Variants in LMO4 observed in about 807,000 individuals in gnomAD.
LMO4 encodes LIM domain only 4, also known as LIM domain transcription factor LMO4.
A neutral mutation model predicts 18.5 loss-of-function variants in LMO4; 3 were observed. The ratio of observed to expected loss-of-function variants is 0.16; its 90% CI spans 0.07 to 0.42. The LOEUF is 0.42. LMO4 is among the 10% of genes least tolerant of loss of function. LMO4 has a pLI of 0.99. For synonymous variants in LMO4, 100 were observed against 88.1 expected (o/e 1.14, Z -0.76); for missense variants, 121 against 219.9 (o/e 0.55, Z 2.84).
chr1:87,337,968 G>A (rs544347446), intron 2 of LMO4, among the ~76,000 whole-genome samples: 5 of 152,284 alleles, frequency 3.3e-5, no homozygotes, highest in South Asian at 2.1e-4. Flanking sequence ...TCAATGTGTC[G>A]TGGATCTCAG....
chr1:87,340,635 A>G (rs1281409258), intron 4 of LMO4, among the ~76,000 whole-genome samples: 1 of 152,230 alleles, frequency 6.6e-6, no homozygotes. Context: ...AGGAATAGCA[A>G]TCTGGACACC....
chr1:87,334,776 G>C (rs1176523543), intron 2 of LMO4, among the ~76,000 whole-genome samples: 8 of 152,130 alleles, frequency 5.3e-5, no homozygotes, highest in Non-Finnish European at 7.3e-5. Context: ...GCCAAGTGTC[G>C]ATGGGCAGAG....
intron 1 of LMO4, among the ~76,000 whole-genome samples, 155 bp downstream of exon 1, chr1:87,329,399 C>T (rs1650063432): frequency 6.6e-6 from 1 of 152,128 alleles, no homozygotes; most frequent in African/African-American, 2.4e-5. Flanking sequence ...GAGTCTGAAA[C>T]TACCGAGGCC....
rs1358149812 is a variant in LMO4, at chr1:87,345,180, G to A, written c.*384G>A. On this transcript the variant is annotated 3_prime_UTR_variant, in exon 5 of 5. Transcript: ENST00000370544. The stretch of plus-strand genomic sequence containing the variant: ...GGGCACTGGCCAGAGTTTGTACCCT[G>A]TGTTTTACCTTAACAACATTCTATT... 5.0e-6 allele frequency: 1 copy of A among 198,232 alleles called. No homozygotes were observed. The highest frequency in any genetic ancestry group is 1.0e-5 in the Non-Finnish European group (1 of 98,650). 12.3% of individuals were successfully genotyped at this position (198,232 alleles called of 1,614,324 possible).
At chr1:87,331,771 A>G (rs888610652) in intron 1 of LMO4, 7 of 522,448 alleles carry the variant, frequency 1.3e-5, no homozygotes, top group Admixed American at 3.6e-5. Context: ...CAAGCGCAGG[A>G]AAGTTGAGAG....
At chr1:87,340,237 G>C in intron 4 of LMO4, 35 bp downstream of exon 4, 1 of 1,606,408 alleles carries the variant, frequency 6.2e-7, no homozygotes. Flanking sequence ...AGCTTTATTA[G>C]AGCAAGTTGG....
intron 4 of LMO4, among the ~76,000 whole-genome samples, chr1:87,342,784 T>G (rs1253843142): frequency 1.3e-5 from 2 of 152,094 alleles, no homozygotes; most frequent in African/African-American, 2.4e-5. Flanking sequence ...CAGAGAGATA[T>G]TAATGAGAGG....
intron 4 of LMO4, among the ~76,000 whole-genome samples, chr1:87,341,114 C>T (rs1650461648): frequency 6.6e-6 from 1 of 152,188 alleles, no homozygotes; most frequent in African/African-American, 2.4e-5. Flanking sequence ...GTTCATTCCA[C>T]ACCGGCCCAG....
intron 2 of LMO4, among the ~76,000 whole-genome samples, chr1:87,335,777 G>C: frequency 6.6e-6 from 1 of 151,940 alleles, no homozygotes; most frequent in South Asian, 2.1e-4. Context: ...AATAGGACGT[G>C]CTAGGTAAAT....
At chr1:87,340,347 T>C (rs947662958) in intron 4 of LMO4, 145 bp downstream of exon 4, 18 of 666,810 alleles carry the variant, frequency 2.7e-5, no homozygotes, top group African/African-American at 2.6e-4. Context: ...ACATAGAGTG[T>C]TCAGAAGTAG....
intron 2 of LMO4, among the ~76,000 whole-genome samples, chr1:87,335,035 GA>G (rs1165582479): frequency 1.6e-5 from 2 of 123,902 alleles, no homozygotes; most frequent in Non-Finnish European, 3.2e-5. Context: ...GGGAAAGAAT[GA>G]AGGGGGGGGG....
rs976043152 is a variant in LMO4, at chr1:87,339,516, A to G, written c.237-20A>G. The G allele has an allele frequency of 3.2e-6, 5 of 1,584,110 alleles. No individual in the cohort carries two copies. In the South Asian group the frequency reaches 3.3e-5, roughly 11 times the overall value. On this transcript the variant is annotated intron_variant, in intron 2 of 4. Transcript: ENST00000370544. ...GGTTTAGGATTATTCACTGGTGTCA[A>G]CCGTTATTCTTTGTTTCAGGTTATT...
intron 2 of LMO4, among the ~76,000 whole-genome samples, chr1:87,335,621 G>A (rs1215481404): frequency 6.6e-6 from 1 of 152,092 alleles, no homozygotes; most frequent in Non-Finnish European, 1.5e-5. Context: ...GGTGGTGGAG[G>A]GTGTGTTTGG....
chr1:87,344,680 A>G (rs1570270296), intron 4 of LMO4, 108 bp from the exon 5 acceptor site: 1 of 1,102,424 alleles, frequency 9.1e-7, no homozygotes, highest in African/African-American at 1.5e-5. Flanking sequence ...AAAGTAATCT[A>G]ATAAAAGAAG....
At position 87,345,845 on chromosome 1, in the gene LMO4, T is replaced by C. The variant is rs1265391245; in HGVS notation, c.*1049T>C. 6.6e-6 allele frequency: 1 copy of C among 152,246 alleles called. No individual in the cohort carries two copies. The highest frequency in any genetic ancestry group is 2.4e-5 in the African/African-American group (1 of 41,474). The allele number at this position is 152,246 out of a possible 1,614,324, so 9.4% of individuals were successfully genotyped here. ...TTAACAGCATTTCGTTACACTTCTATATCACAGTAAGTCTTTTGTGTTTAT... is the reference window on the plus strand; with the variant it reads ...TTAACAGCATTTCGTTACACTTCTACATCACAGTAAGTCTTTTGTGTTTAT... On this transcript the variant is annotated 3_prime_UTR_variant, in exon 5 of 5. Coordinates refer to ENST00000370544, the MANE Select transcript of LMO4 (RefSeq NM_006769.4).
At chr1:87,342,104 A>G (rs1471092322) in intron 4 of LMO4, among the ~76,000 whole-genome samples, 3 of 152,194 alleles carry the variant, frequency 2.0e-5, no homozygotes, top group Admixed American at 6.5e-5. Context: ...GTTTTATACC[A>G]TTTCTTTCTC....
intron 1 of LMO4, chr1:87,331,647 AGGGGGCAGTGGGCGGAGGC>A (rs905561276): frequency 2.4e-5 from 5 of 211,236 alleles, no homozygotes; most frequent in Non-Finnish European, 3.6e-5. Context: ...GGAGGGGAGG[AGGGGGCAGTGGGCGGAGGC>A]GGGGGCTGGG....
chr1:87,334,615 T>C (rs906728434), intron 2 of LMO4, among the ~76,000 whole-genome samples: 2 of 152,126 alleles, frequency 1.3e-5, no homozygotes, highest in African/African-American at 4.8e-5. Context: ...CTGAGGGGCT[T>C]TTAAACTGTC....
intron 2 of LMO4, among the ~76,000 whole-genome samples, chr1:87,336,514 T>G (rs930493739): frequency 5.3e-5 from 8 of 152,338 alleles, no homozygotes; most frequent in African/African-American, 1.4e-4. Context: ...CCTCCATCTC[T>G]TAATGCCAGC....
Sources: gnomAD v4.1 joint callset for allele counts (sites outside exome capture counted in the v4.1 genomes callset) on GRCh38, gnomAD v4.1.1 for gene constraint, MANE v1.5 for transcripts, NCBI Gene and HGNC (gene_info 2026-07-23, HGNC 2026-07-21) for gene names.